Variants in RALYL observed in about 807,000 individuals in gnomAD.
RALYL encodes RNA-binding Raly-like protein.
A neutral mutation model predicts 35.1 loss-of-function variants in RALYL; 29 were observed. The observed-to-expected ratio is 0.83, with a 90% CI of 0.61 to 1.13. The LOEUF (loss-of-function observed/expected upper bound fraction) is 1.13, where lower values mean the gene tolerates loss of function less well. Ranked by LOEUF, RALYL falls within the 50% of genes most tolerant of loss-of-function variation. RALYL has a pLI of 0.00. For synonymous variants in RALYL, 120 were observed against 127.6 expected (o/e 0.94, Z 0.40); for missense variants, 359 against 360.4 (o/e 1.00, Z 0.03).
Position 84,506,761 on chromosome 8 carries a change from T to G in RALYL, c.-23-22538T>G, listed in dbSNP as rs2057201178. ...CTGAGTTTATTTTAAATAGTTTAGTTGAACTAGAATACAAGTAAAATTTTA... is the reference window on the plus strand; with the variant it reads ...CTGAGTTTATTTTAAATAGTTTAGTGGAACTAGAATACAAGTAAAATTTTA... On this transcript the variant is annotated intron_variant, in intron 1 of 8. Coordinates refer to ENST00000521268, the MANE Select transcript of RALYL (RefSeq NM_173848.7). 2.0e-5 allele frequency among the ~76,000 whole-genome samples: 3 copies of G among 152,072 alleles called. No individual in the cohort carries two copies. In the South Asian group the frequency reaches 6.2e-4, roughly 31 times the overall value.
At chr8:84,826,510 G>A (rs1297628619) in intron 4 of RALYL, among the ~76,000 whole-genome samples, 1 of 151,936 alleles carries the variant, frequency 6.6e-6, no homozygotes, top group Non-Finnish European at 1.5e-5. Context: ...TAAAATACTA[G>A]GGTATACCAA....
At chr8:84,770,417 T>C (rs1815152325) in intron 2 of RALYL, among the ~76,000 whole-genome samples, 2 of 151,986 alleles carry the variant, frequency 1.3e-5, no homozygotes, top group South Asian at 4.1e-4. Flanking sequence ...CATATATATA[T>C]ACACACCATA....
At chr8:84,634,983 G>A (rs1164849612) in intron 2 of RALYL, among the ~76,000 whole-genome samples, 1 of 151,700 alleles carries the variant, frequency 6.6e-6, no homozygotes, top group Non-Finnish European at 1.5e-5. Flanking sequence ...ACCTAGTCAC[G>A]TAGTTAGGGA....
intron 2 of RALYL, among the ~76,000 whole-genome samples, chr8:84,595,496 T>G (rs1168770993): frequency 6.6e-6 from 1 of 152,162 alleles, no homozygotes; most frequent in Non-Finnish European, 1.5e-5. Flanking sequence ...AAACAAGATT[T>G]GAATTCTGGC....
chr8:84,577,187 G>A lies in RALYL; in HGVS notation c.256+47610G>A, dbSNP rs1327894953. On this transcript the variant is annotated intron_variant, in intron 2 of 8. Coordinates refer to ENST00000521268, the MANE Select transcript of RALYL (RefSeq NM_173848.7). ...TGGCGTAATTACGCACTTCCTTGAG[G>A]GAAGGAAACAGTCAATCTCACAGTT... Among the ~76,000 whole-genome samples the A allele has an allele frequency of 2.6e-5, 4 of 152,320 alleles. No individual in the cohort carries two copies. In the East Asian group the frequency reaches 7.7e-4, roughly 29 times the overall value.
chr8:84,522,377 G>A (rs1035459109), intron 1 of RALYL, among the ~76,000 whole-genome samples: 6 of 150,150 alleles, frequency 4.0e-5, no homozygotes, highest in Non-Finnish European at 7.4e-5. Context: ...AGCCTCCCAA[G>A]TAGCTGGGAC....
intron 1 of RALYL, among the ~76,000 whole-genome samples, chr8:84,227,300 C>A (rs1824167548): frequency 6.6e-6 from 1 of 151,670 alleles, no homozygotes; most frequent in Non-Finnish European, 1.5e-5. Flanking sequence ...CCTCATGATC[C>A]ACCCGCCTCG....
intron 5 of RALYL, among the ~76,000 whole-genome samples, chr8:84,851,233 A>C (rs1433192073): frequency 1.3e-5 from 2 of 152,222 alleles, no homozygotes; most frequent in Non-Finnish European, 2.9e-5. Context: ...CAGCAAAAAA[A>C]ATCATTGACA....
chr8:84,580,797 G>A (rs2076560034), intron 2 of RALYL, among the ~76,000 whole-genome samples: 1 of 152,080 alleles, frequency 6.6e-6, no homozygotes, highest in South Asian at 2.1e-4. Flanking sequence ...TTGTATTAGT[G>A]TAAAATCACC....
intron 2 of RALYL, among the ~76,000 whole-genome samples, chr8:84,695,226 C>T (rs1441672034): frequency 6.6e-6 from 1 of 151,686 alleles, no homozygotes; most frequent in Non-Finnish European, 1.5e-5. Context: ...ATTTTTTCAG[C>T]TGTCACTAAC....
chr8:84,414,336 T>C (rs111497757), intron 1 of RALYL, among the ~76,000 whole-genome samples: 4,284 of 152,310 alleles, frequency 0.028, 195 homozygotes, highest in African/African-American at 0.097. Context: ...TTAATGTGCA[T>C]TTTATAAACT....
intron 1 of RALYL, among the ~76,000 whole-genome samples, chr8:84,378,081 C>T (rs1209951496): frequency 2.0e-5 from 3 of 151,868 alleles, no homozygotes; most frequent in Admixed American, 6.6e-5. Context: ...AGATAAACTA[C>T]GTTTTATTCT....
chr8:84,816,032 C>CAAAAAAAAAAAAAAAA (rs5892931), intron 4 of RALYL, among the ~76,000 whole-genome samples: 17 of 84,168 alleles, frequency 2.0e-4, no homozygotes, highest in African/African-American at 3.2e-4. Context: ...GACTCTGTCT[C>CAAAAAAAAAAAAAAAA]AAAAAAAAAA....
At chr8:84,376,556 C>A (rs967944538) in intron 1 of RALYL, among the ~76,000 whole-genome samples, 1 of 151,698 alleles carries the variant, frequency 6.6e-6, no homozygotes, top group Non-Finnish European at 1.5e-5. Flanking sequence ...CATGACATCT[C>A]CCATTGAGGA....
intron 1 of RALYL, among the ~76,000 whole-genome samples, chr8:84,244,149 G>A (rs1225427742): frequency 6.6e-6 from 1 of 151,938 alleles, no homozygotes; most frequent in Non-Finnish European, 1.5e-5. Flanking sequence ...TAATATGATT[G>A]CTATTCCCTA....
At chr8:84,329,820 A>G (rs1846487518) in intron 1 of RALYL, among the ~76,000 whole-genome samples, 1 of 152,054 alleles carries the variant, frequency 6.6e-6, no homozygotes, top group South Asian at 2.1e-4. Flanking sequence ...CTATAGAACT[A>G]TTTATTTTGC....
At chr8:84,793,261 A>G (rs1409135224) in intron 3 of RALYL, among the ~76,000 whole-genome samples, 2 of 152,166 alleles carry the variant, frequency 1.3e-5, no homozygotes, top group Non-Finnish European at 2.9e-5. Context: ...GCTCTACAAC[A>G]CTCTCAAATT....
At chr8:84,872,258 C>T (rs975246176) in intron 6 of RALYL, among the ~76,000 whole-genome samples, 2 of 152,096 alleles carry the variant, frequency 1.3e-5, no homozygotes, top group Non-Finnish European at 2.9e-5. Context: ...TTTGCATACC[C>T]TTCAGTCAAA....
At chr8:84,873,261 T>C in intron 6 of RALYL, 23 bp from the exon 7 acceptor site, 1 of 1,367,908 alleles carries the variant, frequency 7.3e-7, no homozygotes, top group Non-Finnish European at 1.0e-6. Context: ...TCTGTTGTTT[T>C]CTTCCTTCTT....
Sources: allele counts gnomAD v4.1 joint callset (sites outside exome capture counted in the v4.1 genomes callset), GRCh38; gene constraint gnomAD v4.1.1; transcripts MANE v1.5; gene names NCBI Gene and HGNC (gene_info 2026-07-23, HGNC 2026-07-21).